Variants in CDH13 observed in about 807,000 individuals in gnomAD.
CDH13 encodes cadherin-13.
Under a neutral mutation model 63.8 loss-of-function variants are expected in CDH13, and 24 were observed. That is an observed-to-expected ratio of 0.38 (90% CI 0.27 to 0.53). The LOEUF is 0.53. Ranked by LOEUF, CDH13 falls within the 20% of genes least tolerant of loss-of-function variation. CDH13 has a pLI of 0.85. For synonymous variants in CDH13, 503 were observed against 355.3 expected (o/e 1.42, Z -4.67); for missense variants, 1,049 against 903.1 (o/e 1.16, Z -2.07).
At chr16:83,131,229 C>T (rs1231216996) in intron 4 of CDH13, among the ~76,000 whole-genome samples, 4 of 127,416 alleles carry the variant, frequency 3.1e-5, no homozygotes, top group Non-Finnish European at 4.7e-5. Flanking sequence ...GGAGACAACC[C>T]GAGAGATCAC....
At chr16:82,944,823 C>G (rs772511759) in intron 2 of CDH13, among the ~76,000 whole-genome samples, 1 of 152,098 alleles carries the variant, frequency 6.6e-6, no homozygotes, top group African/African-American at 2.4e-5. Flanking sequence ...TTGTACCTAT[C>G]TATCTATTTA....
chr16:82,723,475 T>C (rs1472066498), intron 1 of CDH13, among the ~76,000 whole-genome samples: 2 of 152,204 alleles, frequency 1.3e-5, no homozygotes, highest in African/African-American at 2.4e-5. Context: ...TGTGGGATGA[T>C]GTAAAGTCCA....
At chr16:83,549,621 T>A (rs1233122538) in intron 7 of CDH13, among the ~76,000 whole-genome samples, 2 of 149,792 alleles carry the variant, frequency 1.3e-5, no homozygotes, top group Non-Finnish European at 3.0e-5. Flanking sequence ...CTTTATTTCT[T>A]GCATCATTTT....
At chr16:83,297,511 T>A (rs760444791) in intron 5 of CDH13, among the ~76,000 whole-genome samples, 1 of 152,148 alleles carries the variant, frequency 6.6e-6, no homozygotes, top group Non-Finnish European at 1.5e-5. Flanking sequence ...CTCTAACTTA[T>A]CTCTCATGCA....
intron 5 of CDH13, among the ~76,000 whole-genome samples, chr16:83,293,558 A>G (rs530249540): frequency 1.4e-4 from 21 of 152,314 alleles, no homozygotes; most frequent in African/African-American, 5.0e-4. Flanking sequence ...TTTGGTGTCT[A>G]TATTCAGAGG....
At chr16:83,503,403 T>A (rs1344974514) in intron 7 of CDH13, among the ~76,000 whole-genome samples, 1 of 152,142 alleles carries the variant, frequency 6.6e-6, no homozygotes, top group Non-Finnish European at 1.5e-5. Flanking sequence ...ACACGCCACA[T>A]CTACCTGGGT....
At chr16:83,534,450 T>C (rs535395557) in intron 7 of CDH13, among the ~76,000 whole-genome samples, 1 of 152,356 alleles carries the variant, frequency 6.6e-6, no homozygotes, top group Admixed American at 6.5e-5. Flanking sequence ...AAGTTCTTGC[T>C]GTTGAATCTG....
At chr16:82,977,524 T>C (rs1435358908) in intron 2 of CDH13, among the ~76,000 whole-genome samples, 1 of 152,164 alleles carries the variant, frequency 6.6e-6, no homozygotes, top group Admixed American at 6.5e-5. Context: ...CCCCTTTTGC[T>C]TGGCACTTCC....
At chr16:83,199,052 G>T (rs946531287) in intron 4 of CDH13, among the ~76,000 whole-genome samples, 1 of 152,190 alleles carries the variant, frequency 6.6e-6, no homozygotes, top group African/African-American at 2.4e-5. Context: ...AGGCAGGCTG[G>T]GAGGAGGGGT....
At chr16:83,515,167 A>C (rs1158777445) in intron 7 of CDH13, among the ~76,000 whole-genome samples, 1 of 152,084 alleles carries the variant, frequency 6.6e-6, no homozygotes, top group African/African-American at 2.4e-5. Flanking sequence ...TCTCCCCTGC[A>C]GATGTAAGAA....
intron 4 of CDH13, among the ~76,000 whole-genome samples, chr16:83,133,316 G>C (rs111586696): frequency 2.6e-5 from 4 of 152,130 alleles, no homozygotes; most frequent in Non-Finnish European, 5.9e-5. Flanking sequence ...AACACAAAAA[G>C]AATGGAAAAT....
rs953053830 is a variant in CDH13 at position 83,127,507 on chromosome 16, A to G, written c.483+2006A>G. Among the ~76,000 whole-genome samples, 10 of 152,264 alleles carry G rather than the reference A, an allele frequency of 6.6e-5. No homozygotes were observed. The East Asian group carries it at 9.7e-4, about 15-fold the overall frequency. On this transcript the variant is annotated intron_variant, in intron 4 of 13. Coordinates refer to ENST00000567109, the MANE Select transcript of CDH13 (RefSeq NM_001257.5). ...CACTGTGGGACGCTGAGGCGGGAGG[A>G]TCACCCGAGGTCAGGAGTTCAAGAC...
chr16:83,664,387 T>A (rs1019747307), intron 8 of CDH13, among the ~76,000 whole-genome samples: 5 of 152,190 alleles, frequency 3.3e-5, no homozygotes, highest in African/African-American at 1.2e-4. Flanking sequence ...TGAGTGGCTC[T>A]GTTATTAATC....
At position 83,496,775 on chromosome 16, in the gene CDH13, A is replaced by C. The variant is rs558470513; in HGVS notation, c.960+10120A>C. Among the ~76,000 whole-genome samples the C allele has an allele frequency of 2.3e-3, 358 of 152,346 alleles. 1 individual carries two copies. Among genetic ancestry groups the C allele is most frequent in the African/African-American group, 8.1e-3 (337 of 41,574 alleles). On this transcript the variant is annotated intron_variant, in intron 7 of 13. Transcript: ENST00000567109. ...CAACATACTCATCTGACAAAGGGCTAATATCCAGAATCTACAATGAACTCA... is the reference window on the plus strand; with the variant it reads ...CAACATACTCATCTGACAAAGGGCTCATATCCAGAATCTACAATGAACTCA...
At chr16:83,219,948 A>G (rs2039647673) in intron 5 of CDH13, among the ~76,000 whole-genome samples, 1 of 152,330 alleles carries the variant, frequency 6.6e-6, no homozygotes, top group South Asian at 2.1e-4. Context: ...CTGGTTTGTA[A>G]CATGGCTTGT....
At position 83,302,489 on chromosome 16, in the gene CDH13, C is replaced by A. The variant is rs148226898; in HGVS notation, c.637-42373C>A. On this transcript the variant is annotated intron_variant, in intron 5 of 13. Transcript: ENST00000567109. ...TTTTCACACTGCACAAATGGGGCTC[C>A]TTATATTCTAGAAAATAAATATCAT... Among the ~76,000 whole-genome samples the A allele has an allele frequency of 7.5e-3, 1,149 of 152,272 alleles. 7 individuals are homozygous for A. Among genetic ancestry groups the A allele is most frequent in the Non-Finnish European group, 0.011 (749 of 68,028 alleles).
intron 6 of CDH13, among the ~76,000 whole-genome samples, chr16:83,470,391 T>C (rs1383453580): frequency 6.6e-6 from 1 of 152,168 alleles, no homozygotes; most frequent in African/African-American, 2.4e-5. Context: ...CACCATCCCT[T>C]TGGCTATCAA....
At chr16:83,544,262 A>G (rs2075343866) in intron 7 of CDH13, among the ~76,000 whole-genome samples, 2 of 152,076 alleles carry the variant, frequency 1.3e-5, no homozygotes, top group Admixed American at 6.5e-5. Flanking sequence ...TCCTAAATAA[A>G]ACCCAGTCTA....
intron 6 of CDH13, among the ~76,000 whole-genome samples, chr16:83,459,867 G>T (rs186089689): frequency 2.6e-5 from 4 of 152,280 alleles, no homozygotes; most frequent in Admixed American, 2.0e-4. Flanking sequence ...TTACTCAACT[G>T]GTAGAAAAGA....
Sources: allele counts gnomAD v4.1 joint callset (sites outside exome capture counted in the v4.1 genomes callset), GRCh38; gene constraint gnomAD v4.1.1; transcripts MANE v1.5; gene names NCBI Gene and HGNC (gene_info 2026-07-23, HGNC 2026-07-21).